SPSB4: variants seen among roughly 807,000 people sequenced by gnomAD.
SPSB4 encodes the protein splA/ryanodine receptor domain and SOCS box containing 4.
A neutral mutation model predicts 20.9 loss-of-function variants in SPSB4; 21 were observed. The ratio of observed to expected loss-of-function variants is 1.01; its 90% CI spans 0.71 to 1.45. The LOEUF (loss-of-function observed/expected upper bound fraction) is 1.45, where lower values mean the gene tolerates loss of function less well. Ranked by LOEUF, SPSB4 falls within the 40% of genes most tolerant of loss-of-function variation. The probability of loss-of-function intolerance (pLI) is 0.00; values close to 1 mark genes in which losing one functional copy is unlikely to be tolerated. For missense variants in SPSB4, 399 were observed against 399.2 expected (o/e 1.00, Z 0.00); for synonymous variants, 207 against 183.8 (o/e 1.13, Z -1.02).
At position 141,066,815 on chromosome 3, in the gene SPSB4, T is replaced by TG. The variant is rs1394723775; in HGVS notation, c.694+23dup. ...GCCTTGACCGTAAGTTGTGCTGGGC[T>TG]GGGGGGCAGGGCTTTCAGAGGCTGC... On this transcript the variant is annotated intron_variant, in intron 2 of 2. Transcript: ENST00000310546. 2.6e-6 allele frequency: 4 copies of TG among 1,511,794 alleles called. No individual in the cohort carries two copies. The highest frequency in any genetic ancestry group is 3.6e-6 in the Non-Finnish European group (4 of 1,126,236). The allele number at this position is 1,511,794 out of a possible 1,614,324, so 93.6% of individuals were successfully genotyped here. A position where few individuals can be genotyped will look rare whatever the true frequency, so the allele number is the denominator to read the frequency against.
intron 2 of SPSB4, among the ~76,000 whole-genome samples, chr3:141,081,094 A>AT (rs901280440): frequency 2.0e-5 from 3 of 152,164 alleles, no homozygotes; most frequent in African/African-American, 7.2e-5. Context: ...GGGCATCTGG[A>AT]TTTTTTGGAT....
intron 2 of SPSB4, among the ~76,000 whole-genome samples, chr3:141,095,450 C>A (rs1351823247): frequency 6.6e-6 from 1 of 152,170 alleles, no homozygotes; most frequent in Non-Finnish European, 1.5e-5. Context: ...CACCCACCTG[C>A]TCCCTTCCCG....
chr3:141,059,011 C>T (rs1308327715), intron 1 of SPSB4, among the ~76,000 whole-genome samples: 2 of 152,288 alleles, frequency 1.3e-5, no homozygotes, highest in Admixed American at 1.3e-4. Context: ...AGGCTTGTGT[C>T]TTGCATGGAG....
At chr3:141,123,449 G>A (rs889528338) in intron 2 of SPSB4, among the ~76,000 whole-genome samples, 13 of 152,164 alleles carry the variant, frequency 8.5e-5, no homozygotes, top group African/African-American at 2.7e-4. Flanking sequence ...TTTCATTTTA[G>A]TTGTTCTGCA....
chr3:141,102,656 A>G (rs1439116925), intron 2 of SPSB4, among the ~76,000 whole-genome samples: 1 of 152,186 alleles, frequency 6.6e-6, no homozygotes, highest in Non-Finnish European at 1.5e-5. Flanking sequence ...GCAGGAAAAA[A>G]AGCTGGAGAG....
intron 2 of SPSB4, among the ~76,000 whole-genome samples, chr3:141,099,343 C>A (rs1480494054): frequency 2.0e-5 from 3 of 152,046 alleles, no homozygotes; most frequent in Admixed American, 6.5e-5. Flanking sequence ...TGCCACCATG[C>A]CCGGCTAATT....
chr3:141,076,175 ACCGAGCCTGGCTCTGC>A (rs1938105874), intron 2 of SPSB4, among the ~76,000 whole-genome samples: 1 of 152,118 alleles, frequency 6.6e-6, no homozygotes, highest in South Asian at 2.1e-4. Flanking sequence ...GCCTGGGGTT[ACCGAGCCTGGCTCTGC>A]CCTCGTCCTT....
intron 2 of SPSB4, among the ~76,000 whole-genome samples, chr3:141,077,821 C>T (rs567471542): frequency 4.6e-5 from 7 of 152,288 alleles, no homozygotes; most frequent in African/African-American, 1.7e-4. Context: ...TTTGGAAGCC[C>T]AGAACTCACA....
intron 2 of SPSB4, among the ~76,000 whole-genome samples, chr3:141,141,666 A>C (rs964013203): frequency 2.6e-5 from 4 of 152,180 alleles, no homozygotes; most frequent in Non-Finnish European, 4.4e-5. Context: ...CTGTGAATCC[A>C]TCTGGTCCTT....
At chr3:141,119,388 G>A (rs1047811442) in intron 2 of SPSB4, among the ~76,000 whole-genome samples, 2 of 152,150 alleles carry the variant, frequency 1.3e-5, no homozygotes, top group African/African-American at 4.8e-5. Context: ...AGGAGATTTT[G>A]GGCTGAAACA....
intron 2 of SPSB4, among the ~76,000 whole-genome samples, chr3:141,138,310 A>G (rs938173797): frequency 6.6e-6 from 1 of 152,190 alleles, no homozygotes; most frequent in Non-Finnish European, 1.5e-5. Context: ...GATTTTTTGA[A>G]GGGTTTTTTG....
intron 2 of SPSB4, among the ~76,000 whole-genome samples, chr3:141,141,996 G>C (rs927197782): frequency 1.3e-5 from 2 of 151,986 alleles, no homozygotes; most frequent in African/African-American, 4.8e-5. Flanking sequence ...CAAAGAACTG[G>C]CTTTTTGTTT....
chr3:141,072,465 G>T (rs1381952439), intron 2 of SPSB4, among the ~76,000 whole-genome samples: 1 of 152,174 alleles, frequency 6.6e-6, no homozygotes, highest in Non-Finnish European at 1.5e-5. Flanking sequence ...GTGGTAATGA[G>T]TGAGTTCTCA....
At chr3:141,081,312 C>T (rs1284618841) in intron 2 of SPSB4, among the ~76,000 whole-genome samples, 1 of 152,228 alleles carries the variant, frequency 6.6e-6, no homozygotes, top group Non-Finnish European at 1.5e-5. Flanking sequence ...ACCATTCCGA[C>T]CGCGGCTCAA....
At position 141,066,730 on chromosome 3, in the gene SPSB4, T is replaced by A. The variant is rs1057328736; in HGVS notation, c.626T>A (p.Leu209Gln). 1 of 1,607,458 alleles carries A rather than the reference T, an allele frequency of 6.2e-7. No individual in the cohort carries two copies. The highest frequency in any genetic ancestry group is 8.5e-7 in the Non-Finnish European group (1 of 1,176,738). Reference protein sequence around the residue: ...VAFRGLKGKKLYPVVSAVWGH... With the variant: ...VAFRGLKGKKQYPVVSAVWGH... ...TTCCGAGGTCTCAAGGGCAAGAAGCTGTACCCGGTGGTGAGTGCCGTGTGG... is the reference window on the plus strand; with the variant it reads ...TTCCGAGGTCTCAAGGGCAAGAAGCAGTACCCGGTGGTGAGTGCCGTGTGG... Residue 209 changes from leucine (L) to glutamine (Q), a missense_variant, in exon 2 of 3, where the codon CTG becomes CAG. Coordinates refer to ENST00000310546, the MANE Select transcript of SPSB4 (RefSeq NM_080862.3).
intron 2 of SPSB4, among the ~76,000 whole-genome samples, chr3:141,084,291 G>A (rs1280538281): frequency 6.6e-6 from 1 of 152,084 alleles, no homozygotes; most frequent in Non-Finnish European, 1.5e-5. Context: ...CTCTGAAGGG[G>A]CCTCTAACCG....
At chr3:141,106,487 G>A (rs1938691765) in intron 2 of SPSB4, among the ~76,000 whole-genome samples, 1 of 152,152 alleles carries the variant, frequency 6.6e-6, no homozygotes, top group Non-Finnish European at 1.5e-5. Flanking sequence ...CACACCCTAG[G>A]GTATCCATCA....
At chr3:141,106,842 C>A (rs1282769012) in intron 2 of SPSB4, among the ~76,000 whole-genome samples, 1 of 152,204 alleles carries the variant, frequency 6.6e-6, no homozygotes, top group Non-Finnish European at 1.5e-5. Flanking sequence ...TCTAAGCAGA[C>A]AGTGTTTCCT....
intron 2 of SPSB4, among the ~76,000 whole-genome samples, chr3:141,093,626 C>T (rs1938499638): frequency 1.3e-5 from 2 of 152,188 alleles, no homozygotes; most frequent in Non-Finnish European, 2.9e-5. Context: ...GAGCCACCTT[C>T]CCACCCTGCG....
Sources: gnomAD v4.1 joint callset for allele counts (sites outside exome capture counted in the v4.1 genomes callset) on GRCh38, gnomAD v4.1.1 for gene constraint, MANE v1.5 for transcripts, NCBI Gene and HGNC (gene_info 2026-07-23, HGNC 2026-07-21) for gene names.